The following KLF12 variants were observed in gnomAD, a reference collection of about 807,000 sequenced individuals.
The protein encoded by KLF12 is Krueppel-like factor 12.
A neutral mutation model predicts 37.8 loss-of-function variants in KLF12; 9 were observed. The observed-to-expected ratio is 0.24, with a 90% confidence interval of 0.14 to 0.42. The LOEUF (loss-of-function observed/expected upper bound fraction) is 0.42, where lower values mean the gene tolerates loss of function less well. Ranked by LOEUF, KLF12 falls within the 10% of genes least tolerant of loss-of-function variation. KLF12 has a pLI of 1.00. For synonymous variants in KLF12, 208 were observed against 202.1 expected, an observed-to-expected ratio of 1.03 and a Z score of -0.25; for missense variants, 411 against 516.0, an observed-to-expected ratio of 0.80 and a Z score of 1.97.
At chr13:73,731,202 T>A (rs911592032) in intron 6 of KLF12, among the ~76,000 whole-genome samples, 1 of 152,014 alleles carries the variant, frequency 6.6e-6, no homozygotes, top group African/African-American at 2.4e-5. Flanking sequence ...GCGAATGGTG[T>A]CCCCAGCAGC....
At chr13:74,128,467 T>G (rs745433200) in intron 1 of KLF12, among the ~76,000 whole-genome samples, 3 of 152,168 alleles carry the variant, frequency 2.0e-5, no homozygotes, top group Non-Finnish European at 4.4e-5. Context: ...ATTACCCCAT[T>G]TAACCCTCAC....
chr13:74,133,402 T>C (rs1253840531), intron 1 of KLF12, among the ~76,000 whole-genome samples: 1 of 140,500 alleles, frequency 7.1e-6, no homozygotes, highest in East Asian at 2.3e-4. Flanking sequence ...ACAATTCCAC[T>C]AGGGGTAGAA....
At chr13:74,246,331 T>C in the KLF12 span, among the ~76,000 whole-genome samples, 24 of 152,282 alleles carry the variant, frequency 1.6e-4, no homozygotes, top group East Asian at 1.2e-3. Context: ...GTGGCTCCCA[T>C]TGAAGACAGC....
the KLF12 span, among the ~76,000 whole-genome samples, chr13:74,199,252 G>A: frequency 2.6e-5 from 4 of 152,230 alleles, no homozygotes; most frequent in Non-Finnish European, 5.9e-5. Flanking sequence ...TCTTGGGAAT[G>A]CAGGTGGAGA....
intron 3 of KLF12, among the ~76,000 whole-genome samples, chr13:73,859,766 G>A (rs1293029331): frequency 1.3e-5 from 2 of 151,842 alleles, no homozygotes; most frequent in African/African-American, 4.8e-5. Context: ...CATGCTGTAT[G>A]GGATATGTGT....
rs377398829 is a variant in KLF12, at chr13:74,094,944, A to G, written c.-32+38795T>C. 7.9e-5 allele frequency among the ~76,000 whole-genome samples: 12 copies of G among 152,302 alleles called. No homozygotes were observed. The East Asian group carries it at 1.2e-3, about 15-fold the overall frequency. On this transcript the variant is annotated intron_variant, in intron 1 of 7. Coordinates refer to ENST00000377669, the MANE Select transcript of KLF12 (RefSeq NM_007249.5). ...ATTTGTAAAGCATTTTTGAAACTACATATTTCCAGTATAAAATGCCTCATG... is the reference window on the plus strand; with the variant it reads ...ATTTGTAAAGCATTTTTGAAACTACGTATTTCCAGTATAAAATGCCTCATG...
the KLF12 span, among the ~76,000 whole-genome samples, chr13:74,305,554 C>T: frequency 6.6e-6 from 1 of 151,890 alleles, no homozygotes; most frequent in African/African-American, 2.4e-5. Context: ...ATTACATATT[C>T]TCTATTTATA....
chr13:74,099,503 T>C (rs1054497214), intron 1 of KLF12, among the ~76,000 whole-genome samples: 1 of 152,204 alleles, frequency 6.6e-6, no homozygotes, highest in Admixed American at 6.5e-5. Flanking sequence ...CAAATCAAAG[T>C]GCTTCTCTTA....
At chr13:74,282,903 G>T in the KLF12 span, among the ~76,000 whole-genome samples, 2 of 152,056 alleles carry the variant, frequency 1.3e-5, no homozygotes, top group African/African-American at 4.8e-5. Flanking sequence ...AGTATTTTAT[G>T]ATTCTAACCT....
chr13:73,714,232 C>T (rs1414449816), intron 7 of KLF12, among the ~76,000 whole-genome samples: 1 of 152,130 alleles, frequency 6.6e-6, no homozygotes, highest in Non-Finnish European at 1.5e-5. Context: ...CACTTGAGCC[C>T]AGGAGTTCAA....
rs534885500 is a variant in KLF12 at position 74,083,491 on chromosome 13, GAGACACAC to G, written c.-32+50240_-32+50247del. Among the ~76,000 whole-genome samples, 638 of 117,608 alleles carry G rather than the reference GAGACACAC, an allele frequency of 5.4e-3. 10 individuals carry two copies. Among genetic ancestry groups the G allele is most frequent in the African/African-American group, 0.021 (598 of 28,002 alleles). The allele number at this position is 117,608 out of a possible 152,430, so 77.2% of individuals were successfully genotyped here. A position where few individuals can be genotyped will look rare whatever the true frequency, so the allele number is the denominator to read the frequency against. ...CATTGCACTCCAGCCTGGGCGATAG[GAGACACAC>G]ACACACACACACACACACACACACA... On this transcript the variant is annotated intron_variant, in intron 1 of 7. Coordinates refer to ENST00000377669, the MANE Select transcript of KLF12 (RefSeq NM_007249.5).
At chr13:74,301,317 A>T in the KLF12 span, among the ~76,000 whole-genome samples, 4 of 152,166 alleles carry the variant, frequency 2.6e-5, no homozygotes, top group Non-Finnish European at 5.9e-5. Flanking sequence ...AGCACTGAAC[A>T]CTGTACAATA....
the KLF12 span, among the ~76,000 whole-genome samples, chr13:74,158,167 T>C: frequency 2.6e-5 from 4 of 152,312 alleles, no homozygotes; most frequent in African/African-American, 7.2e-5. Context: ...GGGAAGGCCC[T>C]GTGGGTGGTC....
At chr13:73,899,482 T>C (rs1887939388) in intron 3 of KLF12, among the ~76,000 whole-genome samples, 1 of 152,164 alleles carries the variant, frequency 6.6e-6, no homozygotes, top group Non-Finnish European at 1.5e-5. Flanking sequence ...TGGAAAAGCT[T>C]AAAGTTGGAT....
chr13:74,037,762 T>A (rs1400474854), intron 1 of KLF12, among the ~76,000 whole-genome samples: 1 of 152,108 alleles, frequency 6.6e-6, no homozygotes, highest in Admixed American at 6.5e-5. Flanking sequence ...AAACAGAAAA[T>A]GTGTAAACTG....
At chr13:74,110,048 C>A (rs1366742410) in intron 1 of KLF12, among the ~76,000 whole-genome samples, 1 of 152,146 alleles carries the variant, frequency 6.6e-6, no homozygotes, top group Non-Finnish European at 1.5e-5. Context: ...CCAATGCTTA[C>A]AAGATTTTCA....
chr13:73,962,268 A>G (rs1227581245), intron 2 of KLF12, among the ~76,000 whole-genome samples: 1 of 152,244 alleles, frequency 6.6e-6, no homozygotes, highest in African/African-American at 2.4e-5. Context: ...ACTCTATGAC[A>G]TTTTGGAAAA....
chr13:74,268,877 C>T, the KLF12 span, among the ~76,000 whole-genome samples: 3 of 152,194 alleles, frequency 2.0e-5, no homozygotes, highest in African/African-American at 7.2e-5. Flanking sequence ...AGGTTCTTCA[C>T]CATGAGTTGA....
In KLF12 at chr13:73,856,727, G is replaced by A. The variant is rs546233739; in HGVS notation, c.124-10354C>T. On this transcript the variant is annotated intron_variant, in intron 3 of 7. Coordinates refer to ENST00000377669, the MANE Select transcript of KLF12 (RefSeq NM_007249.5). ...AAAAGGGCCTGGAGCAGTGGCTCAT[G>A]CCTGTAATCCCAACAATTTGGGAGG... is the stretch of plus-strand genomic sequence containing the variant. Among the ~76,000 whole-genome samples the A allele has an allele frequency of 3.9e-5, 6 of 152,310 alleles. No individual in the cohort carries two copies. In the South Asian group the frequency reaches 1.2e-3, roughly 32 times the overall value.
Sources: allele counts gnomAD v4.1 joint callset (sites outside exome capture counted in the v4.1 genomes callset), GRCh38; gene constraint gnomAD v4.1.1; transcripts MANE v1.5; gene names NCBI Gene and HGNC (gene_info 2026-07-23, HGNC 2026-07-21).